The following B4GALT7 variants were observed in gnomAD, a reference collection of about 807,000 sequenced individuals.
The protein encoded by B4GALT7 is beta-1,4-galactosyltransferase 7.
A neutral mutation model predicts 33.0 loss-of-function variants in B4GALT7; 30 were observed. The observed-to-expected ratio is 0.91, with a 90% confidence interval of 0.68 to 1.23. The LOEUF is 1.23. Among genes scored for constraint, B4GALT7 ranks in the 50% most tolerant of loss-of-function variants. The probability of loss-of-function intolerance (pLI) is 0.00; values close to 1 mark genes in which losing one functional copy is unlikely to be tolerated. For synonymous variants in B4GALT7, 213 were observed against 187.2 expected (o/e 1.14, Z -1.13); for missense variants, 507 against 450.8 (o/e 1.12, Z -1.13).
Position 177,608,213 on chromosome 5 carries a change from C to A in B4GALT7, c.640-326C>A. 1 of 395,106 alleles carries A rather than the reference C, an allele frequency of 2.5e-6. No homozygotes were observed. Among genetic ancestry groups the A allele is most frequent in the Non-Finnish European group, 4.7e-6 (1 of 210,970 alleles). 24.5% of individuals were successfully genotyped at this position (395,106 alleles called of 1,614,324 possible). On this transcript the variant is annotated intron_variant, in intron 3 of 5. Transcript: ENST00000029410. This position sits in a 1 kb window ranked among gnomAD's most constrained non-coding sequence, Gnocchi z 4.1. ...ACAGGAAGAGATGAGGGCAGGGCCA[C>A]CAGGAGAAAGGGGAATGGGGGAAGC...
At position 177,609,613 on chromosome 5, in the gene B4GALT7, C is replaced by G; in HGVS notation, c.902C>G (p.Ser301Cys). 6.2e-7 allele frequency: 1 copy of G among 1,614,054 alleles called. No homozygotes were observed. The change falls in exon 6 of 6, where the codon TCT (serine) becomes TGT (cysteine). Residue 301 changes from serine to cysteine, a missense_variant. By Grantham distance (112) the Ser-to-Cys change is moderately radical (BLOSUM62 -1). Coordinates refer to ENST00000029410, the MANE Select transcript of B4GALT7 (RefSeq NM_007255.3). ...KYHVASRTAL[S>C]VGGAPCTVLN... ...CATGTGGCTTCCCGCACTGCCCTGTCTGTGGGCGGGGCCCCCTGCACTGTC... is the reference window on the plus strand; with the variant it reads ...CATGTGGCTTCCCGCACTGCCCTGTGTGTGGGCGGGGCCCCCTGCACTGTC...
In B4GALT7 at chr5:177,608,964, G is replaced by C; in HGVS notation, c.778G>C (p.Asp260His). The C allele has an allele frequency of 6.2e-7, 1 of 1,613,322 alleles. No individual in the cohort carries two copies. Among genetic ancestry groups the C allele is most frequent in the Non-Finnish European group, 8.5e-7 (1 of 1,179,996 alleles). ...TGYKTFRHLH[D>H]PAWRKRDQKR... The stretch of plus-strand genomic sequence containing the variant: ...GTACAAGACATTTCGCCACCTGCAT[G>C]ACCCAGCCTGGCGGAAGAGGGACCA... Residue 260 changes from aspartate (D) to histidine (H), a missense_variant, in exon 5 of 6, where the codon GAC becomes CAC. Coordinates refer to ENST00000029410, the MANE Select transcript of B4GALT7 (RefSeq NM_007255.3). This position sits in a 1 kb window ranked among gnomAD's most constrained non-coding sequence, Gnocchi z 4.1.
At chr5:177,604,102 TG>T in intron 1 of B4GALT7, 76 bp from the exon 2 acceptor site, 1 of 1,598,014 alleles carries the variant, frequency 6.3e-7, no homozygotes. Context: ...AGCCTCCTCG[TG>T]GGGAGGCCAG....
In B4GALT7 at chr5:177,604,350, C is replaced by G. The variant is rs200218920; in HGVS notation, c.222C>G (p.Ala74=). 67 of 1,612,068 alleles carry G rather than the reference C, an allele frequency of 4.2e-5. 1 individual carries two copies. In the Admixed American group the frequency reaches 1.1e-3, roughly 26 times the overall value. ...QGQETSGPPR[A]CPPEPPPEHW... ...AGGAGACCTCGGGCCCTCCCCGTGC[C>G]TGCCCCCCAGAGCCGCCCCCTGAGC... The change falls in exon 2 of 6, where the codon GCC becomes GCG. Residue 74 remains alanine (A), a synonymous_variant. Coordinates refer to ENST00000029410, the MANE Select transcript of B4GALT7 (RefSeq NM_007255.3).
intron 2 of B4GALT7, chr5:177,604,918 G>A (rs2127512026): frequency 2.4e-5 from 11 of 463,068 alleles, no homozygotes; most frequent in South Asian, 1.1e-4. Context: ...GGAGGGTCAA[G>A]GCCACGGCTT....
chr5:177,604,613 C>T, intron 2 of B4GALT7, 72 bp downstream of exon 2: 1 of 1,599,274 alleles, frequency 6.3e-7, no homozygotes, highest in Non-Finnish European at 8.5e-7. Flanking sequence ...CTGTGAGAGG[C>T]CACCTGGGGC....
chr5:177,607,567 T>G, intron 3 of B4GALT7, 40 bp downstream of exon 3: 1 of 1,572,864 alleles, frequency 6.4e-7, no homozygotes, highest in Non-Finnish European at 8.7e-7. Flanking sequence ...AGCCGGGAGC[T>G]CCCTCCAGGC....
chr5:177,600,149 C>T lies in B4GALT7; in HGVS notation c.-62C>T. On this transcript the variant is annotated 5_prime_UTR_variant, in exon 1 of 6. Transcript: ENST00000029410. The surrounding 1 kb of genome is among the most constrained non-coding windows in gnomAD (Gnocchi z 4.4). ...CGGGAGGCGGAGGCGCCGCGTAGGC[C>T]CGGGAGGCCGGGCCGGCCGGGCTGC... The T allele has an allele frequency of 8.4e-7, 1 of 1,189,444 alleles. No individual in the cohort carries two copies. The highest frequency in any genetic ancestry group is 1.0e-6 in the Non-Finnish European group (1 of 955,170). 73.7% of individuals were successfully genotyped at this position (1,189,444 alleles called of 1,614,324 possible).
At chr5:177,602,599 G>A (rs976335636) in intron 1 of B4GALT7, among the ~76,000 whole-genome samples, 2 of 152,110 alleles carry the variant, frequency 1.3e-5, no homozygotes, top group Non-Finnish European at 2.9e-5. Flanking sequence ...AGATAAAGAA[G>A]GACATTTCAG....
Position 177,609,862 on chromosome 5 carries a change from C to T in B4GALT7, c.*167C>T. On this transcript the variant is annotated 3_prime_UTR_variant, in exon 6 of 6. Transcript: ENST00000029410. ...GCCGCCAAGGCAGGCTTGGGCTGGG[C>T]CAGGACACGTGGGGTGCCTGGGACG... 2 of 869,372 alleles carry T rather than the reference C, an allele frequency of 2.3e-6. No homozygotes were observed. The highest frequency in any genetic ancestry group is 3.6e-6 in the Non-Finnish European group (2 of 559,256). The allele number at this position is 869,372 out of a possible 1,614,324, so 53.9% of individuals were successfully genotyped here.
chr5:177,601,023 G>A (rs556405191), intron 1 of B4GALT7, among the ~76,000 whole-genome samples: 2 of 152,310 alleles, frequency 1.3e-5, no homozygotes. Flanking sequence ...CACTTGAGAT[G>A]TGTCCCTGTA....
In B4GALT7 at chr5:177,608,498, CG is replaced by C. The variant is rs768349022; in HGVS notation, c.640-38del. On this transcript the variant is annotated intron_variant, in intron 3 of 5. Transcript: ENST00000029410. The surrounding 1 kb of genome is among the most constrained non-coding windows in gnomAD (Gnocchi z 4.1). ...GTAGGAGACCAAAGGCCCCCCCCCC[CG>C]GGAAGATGGGCCGAGTGACGCTGCT... The C allele has an allele frequency of 5.1e-6, 8 of 1,568,232 alleles. No homozygotes were observed. Among genetic ancestry groups the C allele is most frequent in the Admixed American group, 3.4e-5 (2 of 59,386 alleles).
At position 177,608,973 on chromosome 5, in the gene B4GALT7, T is replaced by G. The variant is rs1768098407; in HGVS notation, c.787T>G (p.Trp263Gly). ...ATTTCGCCACCTGCATGACCCAGCC[T>G]GGCGGAAGAGGGACCAGAAGCGCAT... ...KTFRHLHDPA[W>G]RKRDQKRIAA... Residue 263 changes from tryptophan to glycine, a missense_variant, in exon 5 of 6, where the codon TGG (tryptophan) becomes GGG (glycine). Coordinates refer to ENST00000029410, the MANE Select transcript of B4GALT7 (RefSeq NM_007255.3). This position sits in a 1 kb window ranked among gnomAD's most constrained non-coding sequence, Gnocchi z 4.1. 6.2e-7 allele frequency: 1 copy of G among 1,613,136 alleles called. No individual in the cohort carries two copies. Among genetic ancestry groups the G allele is most frequent in the South Asian group, 1.1e-5 (1 of 91,082 alleles).
At chr5:177,609,259 C>T (rs1161586191) in intron 5 of B4GALT7, among the ~76,000 whole-genome samples, 6 of 152,174 alleles carry the variant, frequency 3.9e-5, no homozygotes, top group South Asian at 4.1e-4. Context: ...GTGGCGGAGG[C>T]GTAGCTGAAG....
rs960443401 is a variant in B4GALT7, at chr5:177,608,487, G to C, written c.640-52G>C. 11 of 1,323,394 alleles carry C rather than the reference G, an allele frequency of 8.3e-6. No individual in the cohort carries two copies. In the East Asian group the frequency reaches 1.2e-4, roughly 15 times the overall value. The allele number at this position is 1,323,394 out of a possible 1,614,324, so 82.0% of individuals were successfully genotyped here. A position where few individuals can be genotyped will look rare whatever the true frequency, so the allele number is the denominator to read the frequency against. The stretch of plus-strand genomic sequence containing the variant: ...ACTCCCGAGCGGTAGGAGACCAAAG[G>C]CCCCCCCCCCCGGGAAGATGGGCCG... On this transcript the variant is annotated intron_variant, in intron 3 of 5. Coordinates refer to ENST00000029410, the MANE Select transcript of B4GALT7 (RefSeq NM_007255.3). The surrounding 1 kb of genome is among the most constrained non-coding windows in gnomAD (Gnocchi z 4.1).
In B4GALT7 at chr5:177,600,463, C is replaced by T. The variant is rs1349000394; in HGVS notation, c.50+203C>T. Among the ~76,000 whole-genome samples the T allele has an allele frequency of 6.6e-6, 1 of 150,730 alleles. No individual in the cohort carries two copies. Among genetic ancestry groups the T allele is most frequent in the Non-Finnish European group, 1.5e-5 (1 of 67,664 alleles). On this transcript the variant is annotated intron_variant, in intron 1 of 5. Transcript: ENST00000029410. The surrounding 1 kb of genome is among the most constrained non-coding windows in gnomAD (Gnocchi z 4.4). ...GGTCTCTGCCTCCCCCGCCCCCTCT[C>T]CCTTTCCGCGGCACTCGTCCTTCCC...
Position 177,604,232 on chromosome 5 carries a change from T to G in B4GALT7, c.104T>G (p.Phe35Cys). The change falls in exon 2 of 6, where the codon TTC becomes TGC. Residue 35 changes from phenylalanine (F) to cysteine (C), a missense_variant. Physicochemically the swap from Phe to Cys is radical, Grantham distance 205. Coordinates refer to ENST00000029410, the MANE Select transcript of B4GALT7 (RefSeq NM_007255.3). ...LPRKCSVFHLFVACLSLGFFS... is the reference protein window; with the variant it reads ...LPRKCSVFHLCVACLSLGFFS... ...CGGAAGTGTTCCGTCTTCCACCTGT[T>G]CGTGGCCTGCCTCTCGCTGGGCTTC... The G allele has an allele frequency of 6.2e-7, 1 of 1,613,750 alleles. No individual in the cohort carries two copies. Among genetic ancestry groups the G allele is most frequent in the Non-Finnish European group, 8.5e-7 (1 of 1,179,940 alleles).
At position 177,604,216 on chromosome 5, in the gene B4GALT7, T is replaced by G. The variant is rs1767914687; in HGVS notation, c.88T>G (p.Ser30Ala). 2 of 1,613,574 alleles carry G rather than the reference T, an allele frequency of 1.2e-6. No homozygotes were observed. The highest frequency in any genetic ancestry group is 1.1e-5 in the South Asian group (1 of 91,076). The change falls in exon 2 of 6, where the codon TCC becomes GCC. Residue 30 changes from serine (S) to alanine (A), a missense_variant. Ser to Ala is a moderately conservative substitution (Grantham distance 99). Coordinates refer to ENST00000029410, the MANE Select transcript of B4GALT7 (RefSeq NM_007255.3). ...LLSGGLPRKC[S>A]VFHLFVACLS... ...CTCCGGCGGCCTCCCTCGGAAGTGT[T>G]CCGTCTTCCACCTGTTCGTGGCCTG... is the stretch of plus-strand genomic sequence containing the variant.
In B4GALT7 at chr5:177,609,923, G is replaced by C. The variant is rs1484430138; in HGVS notation, c.*228G>C. 4.9e-6 allele frequency: 3 copies of C among 606,434 alleles called. No homozygotes were observed. Among genetic ancestry groups the C allele is most frequent in the Non-Finnish European group, 5.9e-6 (2 of 341,500 alleles). The allele number at this position is 606,434 out of a possible 1,614,324, so 37.6% of individuals were successfully genotyped here. A position where few individuals can be genotyped will look rare whatever the true frequency, so the allele number is the denominator to read the frequency against. On this transcript the variant is annotated 3_prime_UTR_variant, in exon 6 of 6. Transcript: ENST00000029410. ...TGCACAGTGATCAGAGAGAGGCTGG[G>C]GTGTGTCCTGTCCGGGACCCCCCCT...
Sources: allele counts gnomAD v4.1 joint callset (sites outside exome capture counted in the v4.1 genomes callset), GRCh38; gene constraint gnomAD v4.1.1; non-coding constraint Gnocchi (gnomAD v3.1); transcripts MANE v1.5; gene names NCBI Gene and HGNC (gene_info 2026-07-23, HGNC 2026-07-21).